SEMA6A: variants seen among roughly 807,000 people sequenced by gnomAD.
SEMA6A encodes the protein semaphorin-6A.
In SEMA6A, 25 loss-of-function variants were observed where a neutral mutation model predicts 96.8. That is an observed-to-expected ratio of 0.26 (90% CI 0.19 to 0.36). The LOEUF (loss-of-function observed/expected upper bound fraction) is 0.36. Ranked by LOEUF, SEMA6A falls within the 10% of genes least tolerant of loss-of-function variation. SEMA6A has a pLI of 1.00. For synonymous variants in SEMA6A, 612 were observed against 518.0 expected, an observed-to-expected ratio of 1.18 and a Z score of -2.46; for missense variants, 1,363 against 1,323.1, an observed-to-expected ratio of 1.03 and a Z score of -0.47.
At chr5:116,482,373 T>A in intron 11 of SEMA6A, 71 bp downstream of exon 11, 1 of 1,511,596 alleles carries the variant, frequency 6.6e-7, no homozygotes, top group Non-Finnish European at 9.0e-7. Context: ...GTTCATAGGA[T>A]GTTCATTATC....
intron 1 of SEMA6A, among the ~76,000 whole-genome samples, chr5:116,544,502 T>A (rs72812719): frequency 0.077 from 11,643 of 151,282 alleles, 602 homozygotes; most frequent in Middle Eastern, 0.21. Flanking sequence ...TCTCATTATG[T>A]TGCCTAGGCT....
At chr5:116,473,283 CTT>C (rs1248335640) in intron 16 of SEMA6A, among the ~76,000 whole-genome samples, 190 bp from the exon 17 acceptor site, 1 of 152,232 alleles carries the variant, frequency 6.6e-6, no homozygotes, top group Non-Finnish European at 1.5e-5. Context: ...CTCCATATCT[CTT>C]CCACCAAGTG....
At position 116,475,552 on chromosome 5, in the gene SEMA6A, G is replaced by C; in HGVS notation, c.1701C>G (p.Asp567Glu). 6.2e-7 allele frequency: 1 copy of C among 1,600,218 alleles called. No individual in the cohort carries two copies. Residue 567 changes from aspartate (D) to glutamate (E), a missense_variant, in exon 16 of 19, where the codon GAC (aspartate) becomes GAG (glutamate). By Grantham distance (45) the Asp-to-Glu change is conservative (BLOSUM62 2). Coordinates refer to ENST00000343348, the MANE Select transcript of SEMA6A (RefSeq NM_020796.5). ...ATAAAAGACTGTACTTACTGTGACA[G>C]TCCCCCAGACCATCTGTATTGCCAC... ...IERGNTDGLG[D>E]CHNSFVALNG...
Position 116,488,920 on chromosome 5 carries a change from C to T in SEMA6A, c.623G>A (p.Arg208Gln), listed in dbSNP as rs201067098. Residue 208 changes from arginine (R) to glutamine (Q), a missense_variant, in exon 8 of 19, where the codon CGG becomes CAG. Around this residue, in one of 2 missense-constraint regions of SEMA6A, gnomAD observed 480 missense variants for 559.5 expected, o/e 0.86. Coordinates refer to ENST00000343348, the MANE Select transcript of SEMA6A (RefSeq NM_020796.5). ...CCATTTTGAATCGTGCTTGACGGTC[C>T]GCAGGGTAGGGCTTTCTCCAAGACT... The part of the protein sequence containing the change: ...YRSLGESPTL[R>Q]TVKHDSKWLK... The T allele has an allele frequency of 6.3e-7, 1 of 1,587,284 alleles. No homozygotes were observed.
At position 116,460,830 on chromosome 5, in the gene SEMA6A, G is replaced by C. The variant is rs1212665314; in HGVS notation, c.1894+6753C>G. 3.4e-5 allele frequency among the ~76,000 whole-genome samples: 5 copies of C among 146,446 alleles called. No individual in the cohort carries two copies. The East Asian group carries it at 7.9e-4, about 23-fold the overall frequency. On this transcript the variant is annotated intron_variant, in intron 18 of 18. Coordinates refer to ENST00000343348, the MANE Select transcript of SEMA6A (RefSeq NM_020796.5). ...AGACAAAGTCTCCCTCTGTCACCCA[G>C]GCTGGAATGCAGTGGCACGATCTCG...
In SEMA6A at chr5:116,536,866, T is replaced by TAAAAAAAAAAAAAAAAAAAAAAAAAAAA. The variant is rs72214884; in HGVS notation, c.-38-31912_-38-31885dup. ...TTTATTCAGTCCCCGTGTGATTTCT[T>TAAAAAAAAAAAAAAAAAAAAAAAAAAAA]AAAAAAAAAAAAAAAAAAAAAAAAA... On this transcript the variant is annotated intron_variant, in intron 1 of 18. Transcript: ENST00000343348. 1.6e-4 allele frequency among the ~76,000 whole-genome samples: 11 copies of TAAAAAAAAAAAAAAAAAAAAAAAAAAAA among 69,522 alleles called. 1 individual carries two copies. Among genetic ancestry groups the TAAAAAAAAAAAAAAAAAAAAAAAAAAAA allele is most frequent in the African/African-American group, 1.9e-4 (4 of 21,024 alleles). The allele number at this position is 69,522 out of a possible 152,430, so 45.6% of individuals were successfully genotyped here.
chr5:116,507,072 G>A (rs153599), intron 1 of SEMA6A, among the ~76,000 whole-genome samples: 62,465 of 152,070 alleles, frequency 0.41, 14,745 homozygotes, highest in African/African-American at 0.65. Flanking sequence ...GAAGAAATCT[G>A]TTATGCAAGT....
intron 1 of SEMA6A, among the ~76,000 whole-genome samples, chr5:116,553,977 G>A (rs550106392): frequency 6.6e-5 from 10 of 152,138 alleles, no homozygotes; most frequent in Admixed American, 1.3e-4. Context: ...AGCATGGATC[G>A]TTCTTAAATC....
At chr5:116,514,417 C>T (rs1392084733) in intron 1 of SEMA6A, among the ~76,000 whole-genome samples, 1 of 152,146 alleles carries the variant, frequency 6.6e-6, no homozygotes, top group African/African-American at 2.4e-5. Context: ...ACATGTATGT[C>T]TTCTTTGAGA....
intron 16 of SEMA6A, among the ~76,000 whole-genome samples, chr5:116,475,335 A>C (rs1255560079): frequency 6.6e-6 from 1 of 152,206 alleles, no homozygotes; most frequent in African/African-American, 2.4e-5. Flanking sequence ...GAATTAATGA[A>C]ATAGGTGCCA....
At chr5:116,480,324 T>A in intron 11 of SEMA6A, 47 bp from the exon 12 acceptor site, 1 of 1,604,702 alleles carries the variant, frequency 6.2e-7, no homozygotes, top group Non-Finnish European at 8.5e-7. Flanking sequence ...ATTTTCTGCC[T>A]TATGGCAAAT....
intron 1 of SEMA6A, among the ~76,000 whole-genome samples, chr5:116,532,751 C>G (rs989051843): frequency 6.6e-6 from 1 of 151,792 alleles, no homozygotes; most frequent in Non-Finnish European, 1.5e-5. Context: ...CTTATCGGTA[C>G]TGGAAAAGAA....
chr5:116,457,841 A>G (rs1019375753), intron 18 of SEMA6A, among the ~76,000 whole-genome samples: 1 of 152,152 alleles, frequency 6.6e-6, no homozygotes, highest in Non-Finnish European at 1.5e-5. Flanking sequence ...GAGTTTATCT[A>G]TTACTTGCAT....
intron 10 of SEMA6A, among the ~76,000 whole-genome samples, chr5:116,484,984 T>C (rs986481462): frequency 2.0e-5 from 3 of 152,034 alleles, no homozygotes; most frequent in African/African-American, 7.3e-5. Context: ...TCAGGGCAAA[T>C]GGATTTGAAA....
chr5:116,561,043 A>T (rs1440975725), intron 1 of SEMA6A, among the ~76,000 whole-genome samples: 2 of 152,196 alleles, frequency 1.3e-5, no homozygotes, highest in African/African-American at 4.8e-5. Context: ...CACAAAACTC[A>T]GATTCATATG....
At chr5:116,478,237 A>G in intron 13 of SEMA6A, 83 bp from the exon 14 acceptor site, 1 of 1,490,424 alleles carries the variant, frequency 6.7e-7, no homozygotes, top group Non-Finnish European at 9.1e-7. Flanking sequence ...TTCCCAGCCC[A>G]CAAGGCAATC....
chr5:116,457,134 T>G (rs1333491494), intron 18 of SEMA6A, among the ~76,000 whole-genome samples: 2 of 152,174 alleles, frequency 1.3e-5, no homozygotes, highest in Non-Finnish European at 2.9e-5. Flanking sequence ...CATGAGACAT[T>G]TTAAGTTACA....
chr5:116,505,335 T>G (rs1480095305), intron 1 of SEMA6A, among the ~76,000 whole-genome samples: 1 of 152,052 alleles, frequency 6.6e-6, no homozygotes, highest in Non-Finnish European at 1.5e-5. Context: ...AAATAGGAGA[T>G]TTCTGATATT....
At chr5:116,460,161 A>C (rs1755291985) in intron 18 of SEMA6A, among the ~76,000 whole-genome samples, 1 of 152,208 alleles carries the variant, frequency 6.6e-6, no homozygotes, top group South Asian at 2.1e-4. Context: ...GAGGTTAAGT[A>C]AAACATAAAA....
Sources: gnomAD v4.1 joint callset for allele counts (sites outside exome capture counted in the v4.1 genomes callset) on GRCh38, gnomAD v4.1.1 for gene constraint, gnomAD v4.1.1 regional missense constraint, MANE v1.5 for transcripts, NCBI Gene and HGNC (gene_info 2026-07-23, HGNC 2026-07-21) for gene names.